Variants in DMD observed in about 807,000 individuals in gnomAD.
DMD encodes mutant dystrophin.
A neutral mutation model predicts 330.1 loss-of-function variants in DMD; 63 were observed. The observed-to-expected ratio is 0.19, with a 90% confidence interval of 0.16 to 0.24. DMD has a LOEUF of 0.24. Ranked by LOEUF, DMD falls within the 10% of genes least tolerant of loss-of-function variation. The pLI, the probability that DMD is intolerant of heterozygous loss-of-function variation, is 1.00. For missense variants in DMD, 3,344 were observed against 2,684.1 expected, an observed-to-expected ratio of 1.25 and a Z score of -5.43; for synonymous variants, 1,223 against 959.8, an observed-to-expected ratio of 1.27 and a Z score of -5.07.
chrX:31,559,065 C>T (rs770011879), intron 55 of DMD, among the ~76,000 whole-genome samples: 2 of 112,087 alleles, frequency 1.8e-5, no homozygotes, highest in East Asian at 5.6e-4. Context: ...TGAAGAATAT[C>T]TCACCACTGG....
chrX:31,539,404 G>C (rs1330082935), intron 55 of DMD, among the ~76,000 whole-genome samples: 2 of 111,930 alleles, frequency 1.8e-5, no homozygotes, highest in African/African-American at 6.5e-5. Flanking sequence ...ATTCCTTAAA[G>C]ATAAATTATA....
intron 2 of DMD, among the ~76,000 whole-genome samples, chrX:32,946,602 A>AT (rs1226372549): frequency 8.9e-6 from 1 of 111,794 alleles, no homozygotes; most frequent in African/African-American, 3.2e-5. Flanking sequence ...GTTACATTAC[A>AT]TTTTTTTCTA....
intron 1 of DMD, among the ~76,000 whole-genome samples, chrX:33,261,462 A>G (rs1416856474): frequency 1.8e-5 from 2 of 110,780 alleles, no homozygotes; most frequent in African/African-American, 6.6e-5. Context: ...AAGAGTCCAC[A>G]TGTACAGGAT....
intron 62 of DMD, among the ~76,000 whole-genome samples, chrX:31,272,893 G>A (rs1174672077): frequency 8.9e-6 from 1 of 111,914 alleles, no homozygotes; most frequent in Non-Finnish European, 1.9e-5. Flanking sequence ...AGAAATTACA[G>A]TTTTTCTTTC....
intron 55 of DMD, among the ~76,000 whole-genome samples, chrX:31,602,884 T>C (rs903786572): frequency 1.8e-5 from 2 of 112,042 alleles, no homozygotes; most frequent in Admixed American, 9.5e-5. Flanking sequence ...ATTGAATTAT[T>C]GGCCTCAATC....
intron 74 of DMD, among the ~76,000 whole-genome samples, chrX:31,153,751 A>T (rs976646009): frequency 8.9e-6 from 1 of 112,134 alleles, no homozygotes. Flanking sequence ...TCTTCTAAAC[A>T]AACATATGAC....
At chrX:32,584,454 A>G (rs1283751401) in intron 13 of DMD, among the ~76,000 whole-genome samples, 1 of 112,092 alleles carries the variant, frequency 8.9e-6, no homozygotes, top group Non-Finnish European at 1.9e-5. Flanking sequence ...TTACATATAT[A>G]CACAAAAATA....
intron 47 of DMD, among the ~76,000 whole-genome samples, chrX:31,903,078 G>A (rs1350002083): frequency 1.8e-5 from 2 of 111,611 alleles, no homozygotes; most frequent in Non-Finnish European, 3.8e-5. Context: ...AGCGATACAT[G>A]TAATTTAAAA....
intron 44 of DMD, among the ~76,000 whole-genome samples, chrX:32,119,195 T>G (rs1016381370): frequency 9.1e-6 from 1 of 110,150 alleles, no homozygotes; most frequent in Non-Finnish European, 1.9e-5. Context: ...CAGGGCCTGG[T>G]GGCGCCAGAG....
intron 11 of DMD, among the ~76,000 whole-genome samples, chrX:32,623,323 G>T (rs975844350): frequency 9.0e-6 from 1 of 111,195 alleles, no homozygotes; most frequent in African/African-American, 3.3e-5. Context: ...AGGAGGCACT[G>T]ATATCAGAAG....
In DMD at chrX:32,811,410, T is replaced by C. The variant is rs138340806; in HGVS notation, c.531-1799A>G. Among the ~76,000 whole-genome samples, 763 of 111,592 alleles carry C rather than the reference T, an allele frequency of 6.8e-3. 11 individuals carry two copies. Among genetic ancestry groups the C allele is most frequent in the African/African-American group, 0.024 (733 of 30,727 alleles). On this transcript the variant is annotated intron_variant, in intron 6 of 78. Coordinates refer to ENST00000357033, the MANE Select transcript of DMD (RefSeq NM_004006.3). ...CATATACTTATTTTCTTTCTCCTTA[T>C]CTGCTTTATACTATTCTCATTAACA...
At chrX:32,656,394 C>G (rs1453080452) in intron 9 of DMD, among the ~76,000 whole-genome samples, 1 of 111,620 alleles carries the variant, frequency 9.0e-6, no homozygotes, top group African/African-American at 3.3e-5. Context: ...TCACTCCCAT[C>G]TACACAACAT....
chrX:31,731,390 A>G (rs2086494591), intron 51 of DMD, among the ~76,000 whole-genome samples: 1 of 111,012 alleles, frequency 9.0e-6, no homozygotes, highest in Non-Finnish European at 1.9e-5. Context: ...AGAATGTGAA[A>G]CTCTGGTCAT....
chrX:31,421,972 T>C (rs1449348263), intron 60 of DMD, among the ~76,000 whole-genome samples: 2 of 72,654 alleles, frequency 2.8e-5, no homozygotes, highest in African/African-American at 1.6e-4. Context: ...CATATATATA[T>C]ACACATATAT....
intron 1 of DMD, among the ~76,000 whole-genome samples, chrX:33,188,417 T>G (rs2050365711): frequency 9.0e-6 from 1 of 110,909 alleles, no homozygotes; most frequent in African/African-American, 3.3e-5. Flanking sequence ...TGGTACTTTG[T>G]GGTTACCAGT....
chrX:31,631,031 C>A (rs1280762027), intron 54 of DMD, among the ~76,000 whole-genome samples: 3 of 111,164 alleles, frequency 2.7e-5, no homozygotes, highest in Non-Finnish European at 5.7e-5. Context: ...ATAAGGGCAG[C>A]ATGAAACAGT....
chrX:31,668,575 C>T (rs2081564825), intron 53 of DMD, among the ~76,000 whole-genome samples: 3 of 111,123 alleles, frequency 2.7e-5, no homozygotes, highest in African/African-American at 9.8e-5. Context: ...AGCAATTTAA[C>T]GTATCTATCA....
intron 30 of DMD, among the ~76,000 whole-genome samples, chrX:32,398,016 A>G (rs1250176554): frequency 9.0e-6 from 1 of 111,313 alleles, no homozygotes; most frequent in Non-Finnish European, 1.9e-5. Context: ...TGAAAGAGCC[A>G]GTAATTTTGA....
At chrX:32,936,403 C>T (rs932371977) in intron 2 of DMD, among the ~76,000 whole-genome samples, 25 of 111,944 alleles carry the variant, frequency 2.2e-4, no homozygotes, top group Admixed American at 2.1e-3. Context: ...TGAGCCACCG[C>T]GCCCAGCTTA....
Sources: gnomAD v4.1 joint callset for allele counts (sites outside exome capture counted in the v4.1 genomes callset) on GRCh38, gnomAD v4.1.1 for gene constraint, MANE v1.5 for transcripts, NCBI Gene and HGNC (gene_info 2026-07-23, HGNC 2026-07-21) for gene names.